MEP1A: variants seen among roughly 807,000 people sequenced by gnomAD.
MEP1A encodes the protein N-benzoyl-L-tyrosyl-P-amino-benzoic acid hydrolase subunit alpha.
A neutral mutation model predicts 84.5 loss-of-function variants in MEP1A; 68 were observed. That is an observed-to-expected ratio of 0.80 (90% CI 0.66 to 0.98). The LOEUF is 0.98. Ranked by LOEUF, MEP1A falls within the 50% of genes least tolerant of loss-of-function variation. The probability of loss-of-function intolerance (pLI) is 0.00; values close to 1 mark genes in which losing one functional copy is unlikely to be tolerated. For missense variants in MEP1A, 887 were observed against 919.9 expected (o/e 0.96, Z 0.46); for synonymous variants, 337 against 336.8 (o/e 1.00, Z -0.01).
rs1380655033 is a variant in MEP1A, at chr6:46,835,534, G to A, written c.2069G>A (p.Gly690Glu). 6.2e-7 allele frequency: 1 copy of A among 1,613,562 alleles called. No homozygotes were observed. The highest frequency in any genetic ancestry group is 1.3e-5 in the African/African-American group (1 of 75,036). Reference sequence around the variant, plus strand: ...GACGGCATCTGTGTGAACGTGAAGGGGATGGCGAGCTGCAGGTAGGCTCTG... The same window carrying A: ...GACGGCATCTGTGTGAACGTGAAGGAGATGGCGAGCTGCAGGTAGGCTCTG... ...QNDGICVNVK[G>E]MASCRCISGH... is the part of the protein sequence containing the mutation. The change falls in exon 13 of 14, where the codon GGG (glycine) becomes GAG (glutamate). Residue 690 changes from glycine to glutamate, a missense_variant. Transcript: ENST00000230588.
At chr6:46,801,609 G>A (rs1767198492) in intron 5 of MEP1A, among the ~76,000 whole-genome samples, 2 of 151,928 alleles carry the variant, frequency 1.3e-5, no homozygotes, top group Admixed American at 1.3e-4. Context: ...AAATGCAAAA[G>A]CTTTAAATGC....
chr6:46,844,415 T>G (rs761422731), downstream of MEP1A, among the ~76,000 whole-genome samples: 24 of 152,258 alleles, frequency 1.6e-4, no homozygotes, highest in Non-Finnish European at 2.4e-4. Context: ...TCTCTTTGCC[T>G]TCCACAGTTT....
At position 46,793,590 on chromosome 6, in the gene MEP1A, C is replaced by G; in HGVS notation, c.94+14C>G. On this transcript the variant is annotated intron_variant, in intron 2 of 13. Coordinates refer to ENST00000230588, the MANE Select transcript of MEP1A (RefSeq NM_005588.3). ...CTGAAGAAAATGGTAAGAATTAGTT[C>G]AAATGCACAGAGAGTGTTTTTGAAC... 1 of 1,557,540 alleles carries G rather than the reference C, an allele frequency of 6.4e-7. No homozygotes were observed. Among genetic ancestry groups the G allele is most frequent in the Non-Finnish European group, 8.8e-7 (1 of 1,138,798 alleles).
Position 46,809,772 on chromosome 6 carries a change from C to G in MEP1A, c.380+235C>G, listed in dbSNP as rs140134145. On this transcript the variant is annotated intron_variant, in intron 6 of 13. Transcript: ENST00000230588. ...TTGCTGTGAATGCCATTATTTTGTT[C>G]CTTTTTATGGCTGAGTAGTAATACA... Among the ~76,000 whole-genome samples, 472 of 151,378 alleles carry G rather than the reference C, an allele frequency of 3.1e-3. 6 individuals are homozygous for G. Among genetic ancestry groups the G allele is most frequent in the African/African-American group, 0.01 (424 of 41,266 alleles).
At chr6:46,844,577 C>T (rs544118662), downstream of MEP1A, among the ~76,000 whole-genome samples, 3 of 152,228 alleles carry the variant, frequency 2.0e-5, no homozygotes, top group African/African-American at 7.2e-5. Flanking sequence ...TTTAAAGATC[C>T]TATCTGGTCA....
At chr6:46,828,429 G>A (rs985909114) in intron 9 of MEP1A, among the ~76,000 whole-genome samples, 5 of 152,138 alleles carry the variant, frequency 3.3e-5, no homozygotes, top group South Asian at 2.1e-4. Flanking sequence ...TGAAAGGCAC[G>A]TGCCTCAGTG....
intron 5 of MEP1A, among the ~76,000 whole-genome samples, chr6:46,804,464 T>C (rs1419594421): frequency 6.6e-6 from 1 of 151,592 alleles, no homozygotes; most frequent in East Asian, 1.9e-4. Context: ...CAGTTTTATT[T>C]GCTTTATTTC....
rs1481073887 is a variant in MEP1A at position 46,793,474 on chromosome 6, C to T, written c.69+7C>T. 24 of 1,610,134 alleles carry T rather than the reference C, an allele frequency of 1.5e-5. No individual in the cohort carries two copies. Among genetic ancestry groups the T allele is most frequent in the Non-Finnish European group, 2.0e-5 (24 of 1,178,102 alleles). On this transcript the variant is annotated splice_region_variant and intron_variant, in intron 1 of 13. Coordinates refer to ENST00000230588, the MANE Select transcript of MEP1A (RefSeq NM_005588.3). ...CCACATAGCAGCTGTACCGGTAAGT[C>T]GAGTCCTGCTTTTTGGATATTTAGA...
intron 13 of MEP1A, among the ~76,000 whole-genome samples, chr6:46,837,318 T>C (rs1261733229): frequency 1.3e-5 from 2 of 152,250 alleles, no homozygotes; most frequent in Non-Finnish European, 2.9e-5. Context: ...ATTTTGTTGC[T>C]TCTATTGTCC....
downstream of MEP1A, among the ~76,000 whole-genome samples, chr6:46,840,925 G>C (rs1032751879): frequency 2.0e-5 from 3 of 152,138 alleles, no homozygotes; most frequent in African/African-American, 7.2e-5. Flanking sequence ...CTCAGAGTTA[G>C]GCCTAAAGAA....
At chr6:46,805,554 A>C (rs192110362) in intron 5 of MEP1A, among the ~76,000 whole-genome samples, 1 of 151,888 alleles carries the variant, frequency 6.6e-6, no homozygotes, top group Non-Finnish European at 1.5e-5. Context: ...GTCTTTTATC[A>C]GATATATATT....
At chr6:46,824,518 A>AAT (rs1435262621) in intron 7 of MEP1A, among the ~76,000 whole-genome samples, 1 of 143,320 alleles carries the variant, frequency 7.0e-6, no homozygotes, top group African/African-American at 2.5e-5. Context: ...AATCTATTTA[A>AAT]ATATATATAA....
In MEP1A at chr6:46,834,835, G is replaced by A. The variant is rs971127575; in HGVS notation, c.1783+84G>A. On this transcript the variant is annotated intron_variant, in intron 12 of 13. Transcript: ENST00000230588. ...TATCCTGATTTTTAAAGCACACACG[G>A]AGGGTGGGGATGAGGTTAAAACAAT... is the stretch of plus-strand genomic sequence containing the variant. 6.0e-5 allele frequency: 64 copies of A among 1,057,874 alleles called. No homozygotes were observed. In the Middle Eastern group the frequency reaches 9.4e-4, roughly 16 times the overall value. 65.5% of individuals were successfully genotyped at this position (1,057,874 alleles called of 1,614,324 possible).
At chr6:46,822,669 G>A (rs1767808528) in intron 7 of MEP1A, among the ~76,000 whole-genome samples, 1 of 151,984 alleles carries the variant, frequency 6.6e-6, no homozygotes, top group African/African-American at 2.4e-5. Flanking sequence ...TCAGCCTCCT[G>A]AATAGCTGGG....
intron 7 of MEP1A, among the ~76,000 whole-genome samples, chr6:46,822,110 G>T (rs1767792134): frequency 6.6e-6 from 1 of 152,132 alleles, no homozygotes; most frequent in Admixed American, 6.5e-5. Flanking sequence ...AACTTTTGAG[G>T]TCTAGCAGGG....
chr6:46,828,812 G>A (rs1278459408), intron 9 of MEP1A, among the ~76,000 whole-genome samples: 1 of 152,136 alleles, frequency 6.6e-6, no homozygotes, highest in Non-Finnish European at 1.5e-5. Context: ...AGTCTCTAAT[G>A]TGTCCTGAAT....
At chr6:46,801,889 C>G (rs1433674162) in intron 5 of MEP1A, among the ~76,000 whole-genome samples, 1 of 151,990 alleles carries the variant, frequency 6.6e-6, no homozygotes, top group Non-Finnish European at 1.5e-5. Context: ...TCGCAAGAGT[C>G]TCGTTTGCCA....
chr6:46,842,370 T>C (rs1270671705), downstream of MEP1A, among the ~76,000 whole-genome samples: 1 of 152,122 alleles, frequency 6.6e-6, no homozygotes. Flanking sequence ...AGGAGAGATA[T>C]CGCTGAATTC....
At chr6:46,825,980 G>C (rs570893435) in intron 8 of MEP1A, among the ~76,000 whole-genome samples, 2 of 152,268 alleles carry the variant, frequency 1.3e-5, no homozygotes, top group South Asian at 4.1e-4. Flanking sequence ...GTTTTCTAAA[G>C]ATGATCCCCC....
Sources: gnomAD v4.1 joint callset for allele counts (sites outside exome capture counted in the v4.1 genomes callset) on GRCh38, gnomAD v4.1.1 for gene constraint, MANE v1.5 for transcripts, NCBI Gene and HGNC (gene_info 2026-07-23, HGNC 2026-07-21) for gene names.